Variants in SDK1 observed in about 807,000 individuals in gnomAD.
SDK1 encodes the protein sidekick cell adhesion molecule 1.
In SDK1, 157 loss-of-function variants were observed where a neutral mutation model predicts 245.5. That is an observed-to-expected ratio of 0.64 (90% CI 0.56 to 0.73). The LOEUF is 0.73. Ranked by LOEUF, SDK1 falls within the 30% of genes least tolerant of loss-of-function variation. The pLI is 0.00. For synonymous variants in SDK1, 1,647 were observed against 1,278.5 expected (o/e 1.29, Z -6.15); for missense variants, 3,583 against 3,002.3 (o/e 1.19, Z -4.52).
chr7:4,086,004 C>G (rs1038453891), intron 22 of SDK1, among the ~76,000 whole-genome samples: 1 of 152,240 alleles, frequency 6.6e-6, no homozygotes, highest in African/African-American at 2.4e-5. Context: ...GCCTGTCTGC[C>G]ACATAGATAA....
intron 1 of SDK1, among the ~76,000 whole-genome samples, chr7:3,329,174 G>A (rs1447111512): frequency 3.3e-5 from 5 of 151,988 alleles, no homozygotes; most frequent in African/African-American, 1.2e-4. Flanking sequence ...TATGTATGAG[G>A]CATATCATTT....
intron 4 of SDK1, among the ~76,000 whole-genome samples, chr7:3,702,450 G>A (rs942242189): frequency 6.6e-6 from 1 of 152,092 alleles, no homozygotes; most frequent in Non-Finnish European, 1.5e-5. Flanking sequence ...GGTTTTAGCT[G>A]GACTTTCCAT....
intron 1 of SDK1, among the ~76,000 whole-genome samples, chr7:3,557,263 A>G (rs1458309702): frequency 6.6e-6 from 1 of 152,232 alleles, no homozygotes; most frequent in Admixed American, 6.5e-5. Flanking sequence ...GAAATGGGAC[A>G]ACAGTACAGA....
chr7:3,666,888 A>G (rs1783552112), intron 4 of SDK1, among the ~76,000 whole-genome samples: 1 of 152,136 alleles, frequency 6.6e-6, no homozygotes, highest in South Asian at 2.1e-4. Flanking sequence ...TGCATCTGCT[A>G]TCCGTCACAA....
At chr7:3,330,771 G>A (rs1355246783) in intron 1 of SDK1, among the ~76,000 whole-genome samples, 10 of 143,518 alleles carry the variant, frequency 7.0e-5, no homozygotes, top group Admixed American at 2.9e-4. Flanking sequence ...ACAGGAATTC[G>A]AGACAATGTG....
chr7:3,679,447 G>T (rs1583299925), intron 4 of SDK1, among the ~76,000 whole-genome samples: 1 of 152,246 alleles, frequency 6.6e-6, no homozygotes, highest in Non-Finnish European at 1.5e-5. Flanking sequence ...GGCGCCTGTA[G>T]TCCCAGGTAC....
intron 29 of SDK1, among the ~76,000 whole-genome samples, chr7:4,146,228 GCT>G (rs759081840): frequency 6.7e-5 from 10 of 150,292 alleles, no homozygotes; most frequent in East Asian, 4.0e-4. Flanking sequence ...CCTCACACCT[GCT>G]CTCTCAGACA....
intron 4 of SDK1, among the ~76,000 whole-genome samples, chr7:3,678,125 AAATT>A (rs1409268738): frequency 6.6e-6 from 1 of 152,216 alleles, no homozygotes; most frequent in Non-Finnish European, 1.5e-5. Context: ...AAAAAGTAGA[AAATT>A]AACAAGTGTT....
intron 34 of SDK1, among the ~76,000 whole-genome samples, chr7:4,176,825 G>C (rs1185336511): frequency 6.6e-6 from 1 of 152,144 alleles, no homozygotes; most frequent in African/African-American, 2.4e-5. Context: ...TCTGAGTCAA[G>C]ACTGAATAAT....
At chr7:4,204,723 C>A (rs867750600) in intron 35 of SDK1, among the ~76,000 whole-genome samples, 1 of 152,162 alleles carries the variant, frequency 6.6e-6, no homozygotes, top group Non-Finnish European at 1.5e-5. Flanking sequence ...GAGGAGTGCT[C>A]GGCTGGCCTC....
chr7:3,370,578 T>C (rs2128563239), intron 1 of SDK1, among the ~76,000 whole-genome samples: 1 of 152,334 alleles, frequency 6.6e-6, no homozygotes, highest in East Asian at 1.9e-4. Context: ...TTGGGCCCGA[T>C]ATACCGCTTC....
chr7:3,743,860 A>C (rs1481516221), intron 4 of SDK1, among the ~76,000 whole-genome samples: 2 of 152,202 alleles, frequency 1.3e-5, no homozygotes, highest in Admixed American at 1.3e-4. Context: ...GTTAGCAGCT[A>C]TCTGCCCCCA....
chr7:3,345,157 T>A (rs1477032882), intron 1 of SDK1, among the ~76,000 whole-genome samples: 1 of 152,224 alleles, frequency 6.6e-6, no homozygotes. Context: ...GGGCATGTTA[T>A]TAGGAACTGC....
At chr7:3,858,189 C>G (rs904836999) in intron 5 of SDK1, among the ~76,000 whole-genome samples, 1 of 152,058 alleles carries the variant, frequency 6.6e-6, no homozygotes, top group African/African-American at 2.4e-5. Flanking sequence ...CTCCAAGATA[C>G]GTTTTTGTGT....
At chr7:3,898,609 A>G (rs1189199207) in intron 5 of SDK1, among the ~76,000 whole-genome samples, 1 of 152,196 alleles carries the variant, frequency 6.6e-6, no homozygotes, top group Non-Finnish European at 1.5e-5. Flanking sequence ...CCTTAAGGAA[A>G]TAACTGCAAC....
intron 4 of SDK1, among the ~76,000 whole-genome samples, chr7:3,763,941 G>A (rs572083568): frequency 1.2e-4 from 19 of 152,080 alleles, no homozygotes; most frequent in Admixed American, 2.0e-4. Flanking sequence ...TGTTACCTCA[G>A]ACAGTTCTCT....
intron 7 of SDK1, among the ~76,000 whole-genome samples, chr7:3,955,497 C>A (rs1000519666): frequency 3.3e-5 from 5 of 152,260 alleles, no homozygotes; most frequent in African/African-American, 1.2e-4. Context: ...CCAAGTGAGA[C>A]AGCATATTCA....
intron 1 of SDK1, among the ~76,000 whole-genome samples, chr7:3,504,182 A>ATG (rs56306302): frequency 0.027 from 3,604 of 131,912 alleles, 72 homozygotes; most frequent in African/African-American, 0.034. Context: ...ATATATATAT[A>ATG]TGTGTGTGTG....
Position 4,145,763 on chromosome 7 carries a change from AC to A in SDK1, c.4272del (p.Phe1425SerfsTer10). 1 of 1,612,686 alleles carries A rather than the reference AC, an allele frequency of 6.2e-7. No homozygotes were observed. Among genetic ancestry groups the A allele is most frequent in the Non-Finnish European group, 8.5e-7 (1 of 1,179,448 alleles). On this transcript the variant is annotated frameshift_variant, in exon 29 of 45. Transcript: ENST00000404826. LOFTEE classifies it high-confidence loss of function. ...AYRLASSSPHTFTTVEVGATV... is the reference protein window; with the variant it reads ...AYRLASSSPHXFTTVEVGATV... ...CCGCCTGGCCAGCAGCAGCCCCCAC[AC>A]CTTCACCACCGTGGAGGTCGGCGCC...
Sources: gnomAD v4.1 joint callset for allele counts (sites outside exome capture counted in the v4.1 genomes callset) on GRCh38, gnomAD v4.1.1 for gene constraint, MANE v1.5 for transcripts, NCBI Gene and HGNC (gene_info 2026-07-23, HGNC 2026-07-21) for gene names.